EXOC4: variants seen among roughly 807,000 people sequenced by gnomAD.
EXOC4 encodes the protein SEC8-like 1.
In EXOC4, 71 loss-of-function variants were observed where a neutral mutation model predicts 107.2. The ratio of observed to expected loss-of-function variants is 0.66; its 90% CI spans 0.55 to 0.81. The LOEUF (loss-of-function observed/expected upper bound fraction) is 0.81, where lower values mean the gene tolerates loss of function less well. Among genes scored for constraint, EXOC4 ranks in the 30% least tolerant of loss-of-function variants. The probability of loss-of-function intolerance (pLI) is 0.00; values close to 1 mark genes in which losing one functional copy is unlikely to be tolerated. For synonymous variants in EXOC4, 456 were observed against 441.2 expected (o/e 1.03, Z -0.42); for missense variants, 1,108 against 1,189.6 (o/e 0.93, Z 1.01).
At chr7:133,880,220 T>C (rs980619920) in intron 11 of EXOC4, among the ~76,000 whole-genome samples, 4 of 152,178 alleles carry the variant, frequency 2.6e-5, no homozygotes, top group African/African-American at 9.7e-5. Context: ...CCTGTTCTAA[T>C]TGATGTTTTC....
At chr7:133,692,594 C>G (rs1794445441) in intron 10 of EXOC4, among the ~76,000 whole-genome samples, 3 of 152,204 alleles carry the variant, frequency 2.0e-5, no homozygotes, top group Admixed American at 2.0e-4. Flanking sequence ...GATTCCACTT[C>G]CATAATCTCC....
At chr7:133,367,199 A>G (rs559362485) in intron 6 of EXOC4, among the ~76,000 whole-genome samples, 1 of 152,280 alleles carries the variant, frequency 6.6e-6, no homozygotes, top group Admixed American at 6.5e-5. Flanking sequence ...TAGCAGGTAG[A>G]TAATTGAAGA....
chr7:133,599,652 T>C (rs1197206990), intron 9 of EXOC4, among the ~76,000 whole-genome samples: 1 of 152,206 alleles, frequency 6.6e-6, no homozygotes, highest in Non-Finnish European at 1.5e-5. Context: ...ATTCGTCATT[T>C]CTGAGATGAT....
intron 10 of EXOC4, among the ~76,000 whole-genome samples, chr7:133,734,342 G>A (rs1238521722): frequency 2.0e-5 from 3 of 152,040 alleles, no homozygotes; most frequent in Non-Finnish European, 2.9e-5. Context: ...GATGGTGATG[G>A]GTCATAAATT....
intron 10 of EXOC4, among the ~76,000 whole-genome samples, chr7:133,776,974 T>C (rs1018736949): frequency 4.6e-5 from 7 of 152,092 alleles, no homozygotes; most frequent in African/African-American, 1.7e-4. Flanking sequence ...TTCTGAAAAG[T>C]AACAAAAATG....
At chr7:133,775,451 A>C (rs1267833388) in intron 10 of EXOC4, among the ~76,000 whole-genome samples, 2 of 152,346 alleles carry the variant, frequency 1.3e-5, no homozygotes, top group East Asian at 3.9e-4. Context: ...ATCTGGGTAC[A>C]CAATGTAGCT....
At chr7:133,610,822 T>A (rs1167840598) in intron 9 of EXOC4, among the ~76,000 whole-genome samples, 2 of 151,504 alleles carry the variant, frequency 1.3e-5, no homozygotes, top group African/African-American at 4.8e-5. Context: ...TACTTTTTTT[T>A]TTTTTTTAAG....
chr7:133,456,279 T>C (rs978000007), intron 7 of EXOC4, among the ~76,000 whole-genome samples: 7 of 152,174 alleles, frequency 4.6e-5, no homozygotes, highest in African/African-American at 9.7e-5. Context: ...ACCATGTGGC[T>C]GGAAAATATT....
At chr7:133,621,977 GTCCA>G (rs1802341199) in intron 9 of EXOC4, among the ~76,000 whole-genome samples, 1 of 136,784 alleles carries the variant, frequency 7.3e-6, no homozygotes. Flanking sequence ...CTGTCTGTCT[GTCCA>G]TCCATCCAAT....
intron 5 of EXOC4, among the ~76,000 whole-genome samples, chr7:133,318,749 G>A (rs527892914): frequency 1.3e-5 from 2 of 152,110 alleles, no homozygotes; most frequent in African/African-American, 4.8e-5. Flanking sequence ...GGATTATTTA[G>A]GCTTGGAATC....
chr7:133,276,837 A>G (rs1674345955), intron 2 of EXOC4, among the ~76,000 whole-genome samples: 1 of 152,230 alleles, frequency 6.6e-6, no homozygotes, highest in Non-Finnish European at 1.5e-5. Flanking sequence ...AGATACATAA[A>G]TTATGCTTCT....
chr7:133,974,214 C>G (rs1469815453), intron 14 of EXOC4, among the ~76,000 whole-genome samples: 3 of 152,168 alleles, frequency 2.0e-5, no homozygotes, highest in Non-Finnish European at 4.4e-5. Flanking sequence ...ATAGGGAGTA[C>G]AGGAAACGGG....
At chr7:133,812,499 A>C (rs1797257465) in intron 10 of EXOC4, among the ~76,000 whole-genome samples, 1 of 152,070 alleles carries the variant, frequency 6.6e-6, no homozygotes, top group Non-Finnish European at 1.5e-5. Context: ...CTGCAGAGTG[A>C]CACTGAGTGA....
chr7:133,639,708 A>C (rs1158380007), intron 10 of EXOC4, among the ~76,000 whole-genome samples: 1 of 152,130 alleles, frequency 6.6e-6, no homozygotes, highest in Non-Finnish European at 1.5e-5. Flanking sequence ...GCTGGGTCTG[A>C]CTTTCTTGTT....
chr7:133,536,478 G>T (rs1001245834), intron 9 of EXOC4, among the ~76,000 whole-genome samples: 1 of 151,970 alleles, frequency 6.6e-6, no homozygotes, highest in African/African-American at 2.4e-5. Flanking sequence ...AATGTTGCTG[G>T]TAGCAATTTT....
chr7:133,669,687 G>A (rs887914908), intron 10 of EXOC4, among the ~76,000 whole-genome samples: 3 of 152,164 alleles, frequency 2.0e-5, no homozygotes, highest in African/African-American at 2.4e-5. Context: ...AAATGCATTT[G>A]CGTATATTTG....
intron 11 of EXOC4, among the ~76,000 whole-genome samples, chr7:133,838,342 A>G (rs1035135062): frequency 6.6e-6 from 1 of 152,196 alleles, no homozygotes; most frequent in African/African-American, 2.4e-5. Context: ...CTCTAGGGGT[A>G]TAAATTGATG....
At chr7:133,517,224 T>C (rs1444965746) in intron 9 of EXOC4, among the ~76,000 whole-genome samples, 1 of 151,926 alleles carries the variant, frequency 6.6e-6, no homozygotes, top group African/African-American at 2.4e-5. Flanking sequence ...GGAAGGAGGA[T>C]TAGTTATGGC....
intron 5 of EXOC4, among the ~76,000 whole-genome samples, chr7:133,322,916 G>T (rs1051003981): frequency 1.3e-5 from 2 of 152,168 alleles, no homozygotes; most frequent in African/African-American, 4.8e-5. Flanking sequence ...AGTTCTCCTT[G>T]AAGAGGTCCT....
Sources: allele counts gnomAD v4.1 joint callset (sites outside exome capture counted in the v4.1 genomes callset), GRCh38; gene constraint gnomAD v4.1.1; transcripts MANE v1.5; gene names NCBI Gene and HGNC (gene_info 2026-07-23, HGNC 2026-07-21).